SRPK2: variants seen among roughly 807,000 people sequenced by gnomAD.
SRPK2 encodes the protein SFRS protein kinase 2.
Under a neutral mutation model 90.8 loss-of-function variants are expected in SRPK2, and 21 were observed. The ratio of observed to expected loss-of-function variants is 0.23; its 90% confidence interval spans 0.16 to 0.33. SRPK2 has a LOEUF of 0.33. Among genes scored for constraint, SRPK2 ranks in the 10% least tolerant of loss-of-function variants. The pLI, the probability that SRPK2 is intolerant of heterozygous loss-of-function variation, is 1.00. For missense variants in SRPK2, 620 were observed against 869.0 expected (o/e 0.71, Z 3.60); for synonymous variants, 288 against 311.1 (o/e 0.93, Z 0.78).
chr7:105,268,789 A>G, intron 2 of SRPK2: 2 of 1,590,346 alleles, frequency 1.3e-6, no homozygotes, highest in Non-Finnish European at 8.6e-7. Context: ...TTGTTCATGC[A>G]AGAGATGTAG....
intron 2 of SRPK2, among the ~76,000 whole-genome samples, chr7:105,318,387 A>G (rs1011159691): frequency 6.6e-6 from 1 of 152,216 alleles, no homozygotes; most frequent in African/African-American, 2.4e-5. Context: ...GAGCCACTGC[A>G]CCCAGCCTAA....
At chr7:105,287,159 G>T (rs1350609537) in intron 2 of SRPK2, among the ~76,000 whole-genome samples, 2 of 149,792 alleles carry the variant, frequency 1.3e-5, no homozygotes, top group Non-Finnish European at 3.0e-5. Flanking sequence ...TACTTGGGAG[G>T]CTGAGGCAGG....
At chr7:105,344,002 G>T (rs1171148335) in intron 2 of SRPK2, among the ~76,000 whole-genome samples, 2 of 152,184 alleles carry the variant, frequency 1.3e-5, no homozygotes, top group Non-Finnish European at 2.9e-5. Context: ...GACCTCAGGT[G>T]ATCCACCCGA....
chr7:105,351,347 C>A (rs968542517), intron 2 of SRPK2, among the ~76,000 whole-genome samples: 1 of 151,898 alleles, frequency 6.6e-6, no homozygotes, highest in Non-Finnish European at 1.5e-5. Flanking sequence ...TATAAATTAC[C>A]CAGTCTTAAC....
chr7:105,353,815 T>G (rs960698530), intron 2 of SRPK2, among the ~76,000 whole-genome samples: 5 of 152,156 alleles, frequency 3.3e-5, no homozygotes, highest in African/African-American at 1.2e-4. Flanking sequence ...CTGGCAGACT[T>G]TTTTAATTCT....
At chr7:105,320,437 T>C (rs1812812193) in intron 2 of SRPK2, among the ~76,000 whole-genome samples, 1 of 152,150 alleles carries the variant, frequency 6.6e-6, no homozygotes, top group Admixed American at 6.5e-5. Context: ...GTTTTTCAGT[T>C]TAAAAACACA....
At chr7:105,319,860 C>CCTT (rs369189633) in intron 2 of SRPK2, among the ~76,000 whole-genome samples, 1 of 145,734 alleles carries the variant, frequency 6.9e-6, no homozygotes, top group African/African-American at 2.5e-5. Flanking sequence ...ACTTCCCCCC[C>CCTT]TTTTTTTTTT....
chr7:105,168,658 C>A (rs563179727), intron 4 of SRPK2, among the ~76,000 whole-genome samples: 1 of 151,128 alleles, frequency 6.6e-6, no homozygotes, highest in Non-Finnish European at 1.5e-5. Context: ...TCAGAGTTAT[C>A]ACGAATATTA....
intron 3 of SRPK2, among the ~76,000 whole-genome samples, chr7:105,202,147 G>A (rs993664437): frequency 6.6e-6 from 1 of 152,158 alleles, no homozygotes; most frequent in East Asian, 1.9e-4. Context: ...GTGGAAGTAC[G>A]TGCACCTATG....
At chr7:105,160,694 G>A in intron 6 of SRPK2, 81 bp from the exon 7 acceptor site, 1 of 754,720 alleles carries the variant, frequency 1.3e-6, no homozygotes, top group Non-Finnish European at 2.4e-6. Flanking sequence ...TGTGTCACTT[G>A]CAAAGCACTT....
At chr7:105,284,797 G>T (rs1807843473) in intron 2 of SRPK2, among the ~76,000 whole-genome samples, 1 of 152,124 alleles carries the variant, frequency 6.6e-6, no homozygotes. Flanking sequence ...CAAGACTTTG[G>T]TGCTTTATAC....
At chr7:105,279,236 A>G (rs1432329811) in intron 2 of SRPK2, among the ~76,000 whole-genome samples, 1 of 152,156 alleles carries the variant, frequency 6.6e-6, no homozygotes, top group Non-Finnish European at 1.5e-5. Context: ...GTGTTGGCGC[A>G]GGCAGAAGAG....
intron 2 of SRPK2, among the ~76,000 whole-genome samples, chr7:105,257,891 C>A (rs1181368166): frequency 1.3e-5 from 2 of 152,112 alleles, no homozygotes; most frequent in African/African-American, 2.4e-5. Flanking sequence ...GCAGGCAGAG[C>A]AAGAGGTCAG....
intron 2 of SRPK2, among the ~76,000 whole-genome samples, chr7:105,331,537 A>C (rs969717314): frequency 2.6e-5 from 4 of 152,124 alleles, no homozygotes; most frequent in Non-Finnish European, 4.4e-5. Context: ...TAGTAAACTT[A>C]AAGGAGTTCT....
At chr7:105,334,705 T>C (rs987647151) in intron 2 of SRPK2, among the ~76,000 whole-genome samples, 1 of 151,280 alleles carries the variant, frequency 6.6e-6, no homozygotes, top group African/African-American at 2.4e-5. Flanking sequence ...CCAGGTATGG[T>C]GGCACATGCC....
chr7:105,142,424 T>G lies in SRPK2; in HGVS notation c.1127A>C (p.Asp376Ala). Residue 376 changes from aspartate to alanine, a missense_variant, in exon 11 of 16, where the codon GAT (aspartate) becomes GCT (alanine). Coordinates refer to ENST00000393651, the MANE Select transcript of SRPK2 (RefSeq NM_182692.3). ...EKENIEKDEDDVDQELANIDP... is the reference protein window; with the variant it reads ...EKENIEKDEDAVDQELANIDP... ...TATGTTCGCAAGTTCCTGATCTACA[T>G]CATCTTCATCTTTTTCAATGTTTTC... is the stretch of plus-strand genomic sequence containing the variant. 1 of 1,613,578 alleles carries G rather than the reference T, an allele frequency of 6.2e-7. No homozygotes were observed. Among genetic ancestry groups the G allele is most frequent in the East Asian group, 2.2e-5 (1 of 44,884 alleles).
At chr7:105,280,947 C>CAAAAAAAAAA (rs1158350206) in intron 2 of SRPK2, among the ~76,000 whole-genome samples, 7 of 43,326 alleles carry the variant, frequency 1.6e-4, no homozygotes, top group African/African-American at 3.5e-4. Context: ...GACTCCATCT[C>CAAAAAAAAAA]AAAAAAAAAA....
At position 105,117,782 on chromosome 7, in the gene SRPK2, A is replaced by G; in HGVS notation, c.*56T>C. ...TGTTAAAGAATGAGAGTCACCGTTTAGGTCCAATGTACTGGGAACATTTGC... is the reference window on the plus strand; with the variant it reads ...TGTTAAAGAATGAGAGTCACCGTTTGGGTCCAATGTACTGGGAACATTTGC... On this transcript the variant is annotated 3_prime_UTR_variant, in exon 16 of 16. Transcript: ENST00000393651. 1 of 1,567,304 alleles carries G rather than the reference A, an allele frequency of 6.4e-7. No individual in the cohort carries two copies. Among genetic ancestry groups the G allele is most frequent in the Non-Finnish European group, 8.8e-7 (1 of 1,141,868 alleles).
intron 2 of SRPK2, among the ~76,000 whole-genome samples, chr7:105,366,366 CCT>C (rs1491121053): frequency 6.7e-5 from 2 of 29,766 alleles, no homozygotes; most frequent in Non-Finnish European, 1.2e-4. Context: ...TACAGGTATG[CCT>C]TTTTTTTTTT....
Sources: gnomAD v4.1 joint callset for allele counts (sites outside exome capture counted in the v4.1 genomes callset) on GRCh38, gnomAD v4.1.1 for gene constraint, MANE v1.5 for transcripts, NCBI Gene and HGNC (gene_info 2026-07-23, HGNC 2026-07-21) for gene names.